Variants in TENM3 observed in about 807,000 individuals in gnomAD.
The protein encoded by TENM3 is teneurin transmembrane protein 3.
In TENM3, 63 loss-of-function variants were observed where a neutral mutation model predicts 255.1. That is an observed-to-expected ratio of 0.25 (90% CI 0.20 to 0.30). The LOEUF (loss-of-function observed/expected upper bound fraction) is 0.30. TENM3 is among the 10% of genes least tolerant of loss of function. TENM3 has a pLI of 1.00. For synonymous variants in TENM3, 1,306 were observed against 1,322.3 expected, an observed-to-expected ratio of 0.99 and a Z score of 0.27; for missense variants, 2,929 against 3,461.1, an observed-to-expected ratio of 0.85 and a Z score of 3.86.
chr4:181,910,248 A>G, the TENM3 span, among the ~76,000 whole-genome samples: 1 of 152,108 alleles, frequency 6.6e-6, no homozygotes, highest in Admixed American at 6.6e-5. Context: ...TAAGTGCTCT[A>G]TACCTCACTT....
chr4:182,413,689 C>A (rs1770171697), intron 3 of TENM3, among the ~76,000 whole-genome samples: 1 of 152,048 alleles, frequency 6.6e-6, no homozygotes, highest in African/African-American at 2.4e-5. Context: ...TGATGGCAAA[C>A]AGAAGATTTT....
At chr4:182,160,927 C>A (rs569312187) in intron 1 of TENM3, among the ~76,000 whole-genome samples, 164 of 152,220 alleles carry the variant, frequency 1.1e-3, no homozygotes, top group African/African-American at 3.5e-3. Context: ...TGAGAAATTA[C>A]ATTGTACCCC....
At chr4:182,555,167 T>G (rs898135683) in intron 3 of TENM3, among the ~76,000 whole-genome samples, 2 of 152,200 alleles carry the variant, frequency 1.3e-5, no homozygotes, top group Admixed American at 6.5e-5. Flanking sequence ...AGAATTAGTC[T>G]ATGACTGAAG....
intron 3 of TENM3, among the ~76,000 whole-genome samples, chr4:182,547,128 A>G (rs1282075149): frequency 2.6e-5 from 4 of 152,302 alleles, no homozygotes; most frequent in African/African-American, 9.6e-5. Context: ...TTTGTTTAGC[A>G]GAACAGAGAA....
the TENM3 span, among the ~76,000 whole-genome samples, chr4:182,065,040 T>C: frequency 1.3e-5 from 2 of 151,310 alleles, no homozygotes; most frequent in African/African-American, 2.4e-5. Flanking sequence ...TCTTTCTTTT[T>C]TTTTTTTTTT....
chr4:181,552,269 G>A, the TENM3 span, among the ~76,000 whole-genome samples: 1 of 152,010 alleles, frequency 6.6e-6, no homozygotes, highest in Non-Finnish European at 1.5e-5. Context: ...TTCATTCTTT[G>A]GCAGAAAACT....
the TENM3 span, among the ~76,000 whole-genome samples, chr4:182,021,086 C>G: frequency 1.3e-5 from 2 of 152,190 alleles, no homozygotes; most frequent in Middle Eastern, 3.4e-3. Context: ...TTTCAACCCA[C>G]TCCAGTGTCT....
At chr4:182,574,851 A>G (rs1440632539) in intron 3 of TENM3, among the ~76,000 whole-genome samples, 1 of 152,004 alleles carries the variant, frequency 6.6e-6, no homozygotes, top group Non-Finnish European at 1.5e-5. Context: ...ATTTTATTCT[A>G]CTCCCAGACA....
rs369589600 is a variant in TENM3 at position 182,680,706 on chromosome 4, C to G, written c.1803C>G (p.Asn601Lys). 35 of 1,582,154 alleles carry G rather than the reference C, an allele frequency of 2.2e-5. No individual in the cohort carries two copies. In the African/African-American group the frequency reaches 3.0e-4, roughly 14 times the overall value. Residue 601 changes from asparagine (N) to lysine (K), a missense_variant, in exon 10 of 28, where the codon AAC (asparagine) becomes AAG (lysine). Asn to Lys is a moderately conservative substitution (Grantham distance 94). Around this residue, in one of 6 missense-constraint regions of TENM3, gnomAD observed 1,608 missense variants for 1,884.4 expected, o/e 0.85. Coordinates refer to ENST00000511685, the MANE Select transcript of TENM3 (RefSeq NM_001080477.4). ...GTATCATGGGCTCTTGTGCTTGCAA[C>G]TCAGGATACAAAGGAGAAAGTTGTG... The part of the protein sequence containing the change: ...GICIMGSCAC[N>K]SGYKGESCEE...
chr4:182,278,875 C>T (rs1455451560), intron 1 of TENM3, among the ~76,000 whole-genome samples: 1 of 152,154 alleles, frequency 6.6e-6, no homozygotes, highest in Non-Finnish European at 1.5e-5. Context: ...TCATGCGCTG[C>T]GGGCTCCATG....
At chr4:181,520,416 T>C in the TENM3 span, among the ~76,000 whole-genome samples, 1 of 152,134 alleles carries the variant, frequency 6.6e-6, no homozygotes, top group Admixed American at 6.5e-5. Flanking sequence ...CCTGCGTGTG[T>C]GTGTGTATGT....
At chr4:182,107,098 G>T in the TENM3 span, among the ~76,000 whole-genome samples, 7 of 151,282 alleles carry the variant, frequency 4.6e-5, no homozygotes, top group Middle Eastern at 3.4e-3. Flanking sequence ...GTGTTATGAG[G>T]CAGGTTCACT....
chr4:182,424,995 T>G (rs546041054), intron 3 of TENM3, among the ~76,000 whole-genome samples: 10 of 152,334 alleles, frequency 6.6e-5, no homozygotes, highest in African/African-American at 2.2e-4. Context: ...AGAAAGATTT[T>G]TTGAGATGTC....
At chr4:182,540,385 T>G (rs1324137696) in intron 3 of TENM3, among the ~76,000 whole-genome samples, 3 of 151,812 alleles carry the variant, frequency 2.0e-5, no homozygotes, top group African/African-American at 7.3e-5. Flanking sequence ...AGGTCAGGAG[T>G]TTGAGACCAG....
the TENM3 span, among the ~76,000 whole-genome samples, chr4:181,719,897 C>T: frequency 6.6e-6 from 1 of 152,154 alleles, no homozygotes; most frequent in Non-Finnish European, 1.5e-5. Context: ...CAGCCACCTC[C>T]TTGGATTCGT....
chr4:182,005,848 A>G, the TENM3 span, among the ~76,000 whole-genome samples: 2 of 152,144 alleles, frequency 1.3e-5, no homozygotes, highest in South Asian at 2.1e-4. Context: ...ATGGGAGTTC[A>G]TTCCTGATTT....
chr4:182,120,783 T>C, the TENM3 span, among the ~76,000 whole-genome samples: 1 of 152,090 alleles, frequency 6.6e-6, no homozygotes, highest in Non-Finnish European at 1.5e-5. Context: ...GTATGCCTGA[T>C]GTGTTCAAGG....
chr4:182,635,924 C>T (rs1002180166), intron 5 of TENM3, among the ~76,000 whole-genome samples: 2 of 152,164 alleles, frequency 1.3e-5, no homozygotes, highest in South Asian at 2.1e-4. Flanking sequence ...AGGGAAAATA[C>T]GCCAGCCCTT....
At chr4:182,068,373 T>C in the TENM3 span, among the ~76,000 whole-genome samples, 4 of 141,920 alleles carry the variant, frequency 2.8e-5, no homozygotes, top group African/African-American at 1.1e-4. Flanking sequence ...GAATCTTTAT[T>C]TTTTAAAGTT....
Sources: allele counts gnomAD v4.1 joint callset (sites outside exome capture counted in the v4.1 genomes callset), GRCh38; gene constraint gnomAD v4.1.1; regional missense constraint gnomAD v4.1.1; transcripts MANE v1.5; gene names NCBI Gene and HGNC (gene_info 2026-07-23, HGNC 2026-07-21).